Variants in LDAH observed in about 807,000 individuals in gnomAD.
The protein encoded by LDAH is lipid droplet-associated hydrolase.
In LDAH, 26 loss-of-function variants were observed where a neutral mutation model predicts 29.6. The ratio of observed to expected loss-of-function variants is 0.88; its 90% CI spans 0.64 to 1.22. LDAH has a LOEUF of 1.22. Among genes scored for constraint, LDAH ranks in the 50% most tolerant of loss-of-function variants. LDAH has a pLI of 0.00. For synonymous variants in LDAH, 117 were observed against 133.0 expected (o/e 0.88, Z 0.83); for missense variants, 344 against 387.3 (o/e 0.89, Z 0.94).
chr2:20,715,775 T>TGTATAGTATTCCATGGTGTAGATGTG (rs1553337890), intron 5 of LDAH, among the ~76,000 whole-genome samples: 1 of 152,144 alleles, frequency 6.6e-6, no homozygotes, highest in Admixed American at 6.5e-5. Flanking sequence ...GAACTCCCAT[T>TGTATAGTATTCCATGGTGTAGATGTG]CACAATTGCT....
In LDAH at chr2:20,689,757, C is replaced by T. The variant is rs147283688; in HGVS notation, c.787-2663G>A. ...CTCAGCACTTCCTCAGAGCAGGGAACACTGCTGAGAAATCTGGAAAGTCAG... is the reference window on the plus strand; with the variant it reads ...CTCAGCACTTCCTCAGAGCAGGGAATACTGCTGAGAAATCTGGAAAGTCAG... On this transcript the variant is annotated intron_variant, in intron 6 of 6. Coordinates refer to ENST00000237822, the MANE Select transcript of LDAH (RefSeq NM_021925.4). 2.0e-3 allele frequency among the ~76,000 whole-genome samples: 302 copies of T among 152,298 alleles called. 1 individual carries two copies. The highest frequency in any genetic ancestry group is 7.0e-3 in the African/African-American group (292 of 41,560).
intron 4 of LDAH, among the ~76,000 whole-genome samples, chr2:20,771,990 C>T (rs1669466752): frequency 2.0e-5 from 3 of 152,164 alleles, no homozygotes; most frequent in Non-Finnish European, 4.4e-5. Context: ...GCAAGGACAC[C>T]TGAAGGCAGG....
intron 6 of LDAH, among the ~76,000 whole-genome samples, chr2:20,696,264 A>T (rs1000837674): frequency 6.6e-6 from 1 of 152,184 alleles, no homozygotes; most frequent in African/African-American, 2.4e-5. Context: ...ACAACTGCAC[A>T]AGGTTTGCTC....
At chr2:20,788,016 T>C (rs1670676381) in intron 3 of LDAH, among the ~76,000 whole-genome samples, 1 of 152,222 alleles carries the variant, frequency 6.6e-6, no homozygotes, top group Non-Finnish European at 1.5e-5. Flanking sequence ...TTAAGCATAA[T>C]TAAACCATTA....
Position 20,684,833 on chromosome 2 carries a change from GA to G in LDAH, c.*2069del. 6.5e-7 allele frequency: 1 copy of G among 1,533,048 alleles called. No homozygotes were observed. The highest frequency in any genetic ancestry group is 8.8e-7 in the Non-Finnish European group (1 of 1,138,600). The allele number at this position is 1,533,048 out of a possible 1,614,324, so 95.0% of individuals were successfully genotyped here. A position where few individuals can be genotyped will look rare whatever the true frequency, so the allele number is the denominator to read the frequency against. ...GGACATACAGGCAGAGCTGCTTCTGGAAAATGGATTTCTTCCACTGTTTGTC... is the reference window on the plus strand; with the variant it reads ...GGACATACAGGCAGAGCTGCTTCTGGAAATGGATTTCTTCCACTGTTTGTC... On this transcript the variant is annotated 3_prime_UTR_variant, in exon 7 of 7. Coordinates refer to ENST00000237822, the MANE Select transcript of LDAH (RefSeq NM_021925.4).
intron 4 of LDAH, among the ~76,000 whole-genome samples, chr2:20,744,625 C>T (rs1172173383): frequency 6.6e-6 from 1 of 152,156 alleles, no homozygotes; most frequent in Non-Finnish European, 1.5e-5. Flanking sequence ...TGGGGGCAGA[C>T]CTTGTTAAGA....
intron 5 of LDAH, among the ~76,000 whole-genome samples, chr2:20,721,308 A>C (rs1665629274): frequency 6.6e-6 from 1 of 152,202 alleles, no homozygotes. Context: ...TGAATAAAAC[A>C]TGGACCAAAG....
intron 4 of LDAH, among the ~76,000 whole-genome samples, chr2:20,754,652 A>G (rs1265691087): frequency 1.3e-5 from 2 of 152,156 alleles, no homozygotes; most frequent in Non-Finnish European, 1.5e-5. Context: ...TACTCTGAGA[A>G]GGACATAGCA....
intron 6 of LDAH, among the ~76,000 whole-genome samples, chr2:20,699,716 T>C (rs1388723194): frequency 1.3e-5 from 2 of 152,226 alleles, no homozygotes; most frequent in Non-Finnish European, 2.9e-5. Context: ...TTCCTGTGAC[T>C]GTGTGTTAAT....
In LDAH at chr2:20,821,604, C is replaced by T. The variant is rs185258627; in HGVS notation, c.-3+1433G>A. 3.7e-3 allele frequency among the ~76,000 whole-genome samples: 562 copies of T among 151,738 alleles called. 3 individuals carry two copies. The highest frequency in any genetic ancestry group is 0.013 in the African/African-American group (536 of 41,348). On this transcript the variant is annotated intron_variant, in intron 1 of 6. Transcript: ENST00000237822. Reference sequence around the variant, plus strand: ...ACACAGGAAGGGGGAGATCACACACCGGGGCCTGTTGTGGGGTGGGGTGAG... The same window carrying T: ...ACACAGGAAGGGGGAGATCACACACTGGGGCCTGTTGTGGGGTGGGGTGAG...
chr2:20,791,600 C>T (rs907040145), intron 2 of LDAH, among the ~76,000 whole-genome samples: 1 of 152,166 alleles, frequency 6.6e-6, no homozygotes, highest in African/African-American at 2.4e-5. Flanking sequence ...ATGAAAACTT[C>T]CTCAAATGCA....
intron 4 of LDAH, among the ~76,000 whole-genome samples, chr2:20,755,129 T>G (rs500295): frequency 0.075 from 8,892 of 118,450 alleles, 630 homozygotes; most frequent in African/African-American, 0.14. Context: ...GTGTCTGTGT[T>G]TGTGTGTGTG....
rs1662587294 is a variant in LDAH, at chr2:20,686,752, A to T, written c.*151T>A. On this transcript the variant is annotated 3_prime_UTR_variant, in exon 7 of 7. Transcript: ENST00000237822. The stretch of plus-strand genomic sequence containing the variant: ...ATCAACTGTGTTTACTTCAGCCTAT[A>T]ACATGGCGAGCGGAGAGTTGGTTTG... 1.5e-6 allele frequency: 1 copy of T among 652,640 alleles called. No individual in the cohort carries two copies. The highest frequency in any genetic ancestry group is 1.8e-5 in the African/African-American group (1 of 54,312). The allele number at this position is 652,640 out of a possible 1,614,324, so 40.4% of individuals were successfully genotyped here.
At position 20,685,141 on chromosome 2, in the gene LDAH, TA is replaced by T; in HGVS notation, c.*1761del. 2 of 560,754 alleles carry T rather than the reference TA, an allele frequency of 3.6e-6. No individual in the cohort carries two copies. The highest frequency in any genetic ancestry group is 5.8e-6 in the Non-Finnish European group (2 of 346,278). 34.7% of individuals were successfully genotyped at this position (560,754 alleles called of 1,614,324 possible). A position where few individuals can be genotyped will look rare whatever the true frequency, so the allele number is the denominator to read the frequency against. ...AAGAATGAGTATCTTTCTTAGGCTC[TA>T]AAAACCAGAAATAAGACACAATTTC... On this transcript the variant is annotated 3_prime_UTR_variant, in exon 7 of 7. Transcript: ENST00000237822.
chr2:20,722,151 G>A (rs949879418), intron 5 of LDAH, among the ~76,000 whole-genome samples: 6 of 152,012 alleles, frequency 3.9e-5, no homozygotes, highest in East Asian at 1.9e-4. Context: ...CTAGGCGGGC[G>A]GATCACCTGA....
chr2:20,710,606 G>GTATATATATATATATATATATA (rs1467339981), intron 5 of LDAH, among the ~76,000 whole-genome samples: 2 of 131,868 alleles, frequency 1.5e-5, no homozygotes, highest in African/African-American at 5.5e-5. Context: ...GTGTGTGTGT[G>GTATATATATATATATATATATA]TATATATATA....
intron 6 of LDAH, among the ~76,000 whole-genome samples, chr2:20,692,017 AC>A (rs1358611155): frequency 1.3e-5 from 2 of 151,878 alleles, no homozygotes; most frequent in Admixed American, 6.6e-5. Context: ...TTTTTTCCCC[AC>A]TTTTTGGGGG....
chr2:20,773,767 G>T (rs1308891629), intron 4 of LDAH, among the ~76,000 whole-genome samples: 1 of 152,162 alleles, frequency 6.6e-6, no homozygotes, highest in Non-Finnish European at 1.5e-5. Context: ...GCAAGAAAAG[G>T]AGCGAGTGCT....
rs1160816666 is a variant in LDAH, at chr2:20,686,710, A to C, written c.*193T>G. The C allele has an allele frequency of 2.1e-5, 10 of 479,636 alleles. No individual in the cohort carries two copies. In the Admixed American group the frequency reaches 3.4e-4, roughly 16 times the overall value. 29.7% of individuals were successfully genotyped at this position (479,636 alleles called of 1,614,324 possible). On this transcript the variant is annotated 3_prime_UTR_variant, in exon 7 of 7. Coordinates refer to ENST00000237822, the MANE Select transcript of LDAH (RefSeq NM_021925.4). ...CTGAGTCTTGGAAAATGTATGGTTA[A>C]ACCTATGGAATGATTCATCAACTGT...
Sources: gnomAD v4.1 joint callset for allele counts (sites outside exome capture counted in the v4.1 genomes callset) on GRCh38, gnomAD v4.1.1 for gene constraint, MANE v1.5 for transcripts, NCBI Gene and HGNC (gene_info 2026-07-23, HGNC 2026-07-21) for gene names.